Variants in CCL11 observed in about 807,000 individuals in gnomAD.
CCL11 encodes eotaxin.
In CCL11, 7 loss-of-function variants were observed where a neutral mutation model predicts 7.3. The ratio of observed to expected loss-of-function variants is 0.96; its 90% CI spans 0.55 to 1.81. CCL11 has a LOEUF of 1.81. Among genes scored for constraint, CCL11 ranks in the 40% most tolerant of loss-of-function variants. The pLI, the probability that CCL11 is intolerant of heterozygous loss-of-function variation, is 0.00. For synonymous variants in CCL11, 66 were observed against 45.2 expected (o/e 1.46, Z -1.84); for missense variants, 132 against 114.2 (o/e 1.16, Z -0.71).
In CCL11 at chr17:34,288,227, C is replaced by T. The variant is rs971662836; in HGVS notation, c.*537C>T. On this transcript the variant is annotated 3_prime_UTR_variant, in exon 3 of 3. Coordinates refer to ENST00000305869, the MANE Select transcript of CCL11 (RefSeq NM_002986.3). ...AGGGGCTTGGTTAAGGGGGTGGGAA[C>T]TATGTCCCTGGGAAATGAGTTTTTG... 2.6e-5 allele frequency: 4 copies of T among 152,378 alleles called. No individual in the cohort carries two copies. Among genetic ancestry groups the T allele is most frequent in the African/African-American group, 9.7e-5 (4 of 41,424 alleles). 9.4% of individuals were successfully genotyped at this position (152,378 alleles called of 1,614,324 possible).
At chr17:34,286,796 A>T (rs1041893009) in intron 1 of CCL11, among the ~76,000 whole-genome samples, 5 of 152,240 alleles carry the variant, frequency 3.3e-5, no homozygotes, top group African/African-American at 1.2e-4. Flanking sequence ...GAAAATTACC[A>T]TGACCATCAC....
intron 1 of CCL11, among the ~76,000 whole-genome samples, chr17:34,286,519 G>A (rs1395976568): frequency 6.6e-6 from 1 of 152,184 alleles, no homozygotes; most frequent in Non-Finnish European, 1.5e-5. Flanking sequence ...TATAATGTAT[G>A]GGCTCAGGCT....
At chr17:34,286,037 C>T (rs990960244) in intron 1 of CCL11, among the ~76,000 whole-genome samples, 153 bp downstream of exon 1, 1 of 152,208 alleles carries the variant, frequency 6.6e-6, no homozygotes, top group African/African-American at 2.4e-5. Flanking sequence ...AACCTCACAT[C>T]CAGTCACTGG....
chr17:34,286,435 A>G (rs1567648149), intron 1 of CCL11, among the ~76,000 whole-genome samples: 1 of 152,230 alleles, frequency 6.6e-6, no homozygotes. Flanking sequence ...GGTAACAAAC[A>G]GTTCTAAATT....
At position 34,285,798 on chromosome 17, in the gene CCL11, C is replaced by T; in HGVS notation, c.-11C>T. 2 of 1,609,380 alleles carry T rather than the reference C, an allele frequency of 1.2e-6. No individual in the cohort carries two copies. The highest frequency in any genetic ancestry group is 1.7e-4 in the Middle Eastern group (1 of 6,028). On this transcript the variant is annotated 5_prime_UTR_variant, in exon 1 of 3. Coordinates refer to ENST00000305869, the MANE Select transcript of CCL11 (RefSeq NM_002986.3). ...CCTCTCACGCCAAAGCTCACACCTT[C>T]AGCCTCCAACATGAAGGTCTCCGCA...
At position 34,287,077 on chromosome 17, in the gene CCL11, T is replaced by C; in HGVS notation, c.77-19T>C. On this transcript the variant is annotated intron_variant, in intron 1 of 2. Coordinates refer to ENST00000305869, the MANE Select transcript of CCL11 (RefSeq NM_002986.3). ...TGGCTCATTTTTTTCTCTGTTCATT[T>C]TTTTTCCCCAAAATTCAGCTTCTGT... is the stretch of plus-strand genomic sequence containing the variant. 1 of 1,568,932 alleles carries C rather than the reference T, an allele frequency of 6.4e-7. No individual in the cohort carries two copies. The highest frequency in any genetic ancestry group is 1.3e-5 in the African/African-American group (1 of 74,086).
intron 1 of CCL11, among the ~76,000 whole-genome samples, chr17:34,286,119 A>T (rs937226971): frequency 1.3e-5 from 2 of 152,218 alleles, no homozygotes; most frequent in Non-Finnish European, 2.9e-5. Flanking sequence ...ATCCATACCC[A>T]GCTATCCTTA....
intron 1 of CCL11, 117 bp downstream of exon 1, chr17:34,286,001 T>C: frequency 1.4e-6 from 1 of 699,176 alleles, no homozygotes; most frequent in Non-Finnish European, 2.4e-6. Context: ...GGGAAACAGG[T>C]TTTGTGGGTG....
chr17:34,287,136 G>C lies in CCL11; in HGVS notation c.117G>C (p.Arg39Ser), dbSNP rs753778448. 1 of 1,613,884 alleles carries C rather than the reference G, an allele frequency of 6.2e-7. No individual in the cohort carries two copies. Among genetic ancestry groups the C allele is most frequent in the Admixed American group, 1.7e-5 (1 of 60,004 alleles). Residue 39 changes from arginine to serine, a missense_variant, in exon 2 of 3, where the codon AGG becomes AGC. By Grantham distance (110) the Arg-to-Ser change is moderately radical. Transcript: ENST00000305869. ...CCTGCTGCTTTAACCTGGCCAATAGGAAGATACCCCTTCAGCGACTAGAGA... is the reference window on the plus strand; with the variant it reads ...CCTGCTGCTTTAACCTGGCCAATAGCAAGATACCCCTTCAGCGACTAGAGA... ...PTTCCFNLAN[R>S]KIPLQRLESY...
rs1206395871 is a variant in CCL11, at chr17:34,287,825, TTTA to T, written c.*136_*138del. On this transcript the variant is annotated 3_prime_UTR_variant, in exon 3 of 3. Transcript: ENST00000305869. ...TTTATTATATATATATATTTTTTTT[TTTA>T]AAAAAAAAACGTATTGCATTTAATT... 267 of 279,972 alleles carry T rather than the reference TTTA, an allele frequency of 9.5e-4. No homozygotes were observed. Among genetic ancestry groups the T allele is most frequent in the Non-Finnish European group, 1.1e-3 (182 of 159,212 alleles). 17.3% of individuals were successfully genotyped at this position (279,972 alleles called of 1,614,324 possible).
At chr17:34,286,542 A>G (rs1908638326) in intron 1 of CCL11, among the ~76,000 whole-genome samples, 1 of 152,198 alleles carries the variant, frequency 6.6e-6, no homozygotes, top group African/African-American at 2.4e-5. Flanking sequence ...TGCATTTTAT[A>G]CTCAGGATTC....
In CCL11 at chr17:34,287,803, A is replaced by ATT. The variant is rs1462397175; in HGVS notation, c.*114_*115dup. 1.7e-4 allele frequency: 71 copies of ATT among 415,898 alleles called. No homozygotes were observed. Among genetic ancestry groups the ATT allele is most frequent in the African/African-American group, 1.4e-3 (61 of 42,926 alleles). The allele number at this position is 415,898 out of a possible 1,614,324, so 25.8% of individuals were successfully genotyped here. Reference sequence around the variant, plus strand: ...TATCAGTCCAAAGGGCATGGGTTTTATTATATATATATATTTTTTTTTTTA... The same window carrying ATT: ...TATCAGTCCAAAGGGCATGGGTTTTATTTTATATATATATATTTTTTTTTTTA... On this transcript the variant is annotated 3_prime_UTR_variant, in exon 3 of 3. Coordinates refer to ENST00000305869, the MANE Select transcript of CCL11 (RefSeq NM_002986.3).
chr17:34,287,526 G>A (rs1908670620), intron 2 of CCL11, 59 bp from the exon 3 acceptor site: 4 of 1,240,008 alleles, frequency 3.2e-6, no homozygotes, highest in Non-Finnish European at 4.8e-6. Context: ...AATATTTAGG[G>A]TCAAATGGGC....
rs1329259337 is a variant in CCL11, at chr17:34,287,816, A to AT, written c.*137dup. 201 of 298,572 alleles carry AT rather than the reference A, an allele frequency of 6.7e-4. No individual in the cohort carries two copies. The highest frequency in any genetic ancestry group is 1.8e-3 in the Middle Eastern group (2 of 1,130). 18.5% of individuals were successfully genotyped at this position (298,572 alleles called of 1,614,324 possible). ...GGCATGGGTTTTATTATATATATAT[A>AT]TTTTTTTTTTTAAAAAAAAAACGTA... On this transcript the variant is annotated 3_prime_UTR_variant, in exon 3 of 3. Coordinates refer to ENST00000305869, the MANE Select transcript of CCL11 (RefSeq NM_002986.3).
In CCL11 at chr17:34,287,128, G is replaced by A; in HGVS notation, c.109G>A (p.Ala37Thr). ...CCCAACCACCTGCTGCTTTAACCTGGCCAATAGGAAGATACCCCTTCAGCG... is the reference window on the plus strand; with the variant it reads ...CCCAACCACCTGCTGCTTTAACCTGACCAATAGGAAGATACCCCTTCAGCG... The part of the protein sequence containing the change: ...SVPTTCCFNL[A>T]NRKIPLQRLE... The change falls in exon 2 of 3, where the codon GCC (alanine) becomes ACC (threonine). Residue 37 changes from alanine to threonine, a missense_variant. Coordinates refer to ENST00000305869, the MANE Select transcript of CCL11 (RefSeq NM_002986.3). 2 of 1,613,708 alleles carry A rather than the reference G, an allele frequency of 1.2e-6. No homozygotes were observed. The highest frequency in any genetic ancestry group is 1.7e-6 in the Non-Finnish European group (2 of 1,179,850).
intron 1 of CCL11, 103 bp from the exon 2 acceptor site, chr17:34,286,993 T>G (rs977489167): frequency 1.3e-6 from 1 of 778,380 alleles, no homozygotes; most frequent in Non-Finnish European, 2.2e-6. Context: ...TCGCAATTCC[T>G]TGCTTTCTCC....
intron 1 of CCL11, 85 bp downstream of exon 1, chr17:34,285,969 C>A: frequency 4.6e-6 from 4 of 868,284 alleles, no homozygotes; most frequent in East Asian, 2.7e-5. Context: ...AGACTCACTG[C>A]AAATTCTCCA....
At position 34,285,865 on chromosome 17, in the gene CCL11, C is replaced by G; in HGVS notation, c.57C>G (p.Pro19=). The G allele has an allele frequency of 6.2e-7, 1 of 1,612,088 alleles. No homozygotes were observed. Among genetic ancestry groups the G allele is most frequent in the Admixed American group, 1.7e-5 (1 of 59,778 alleles). Residue 19 remains proline (P), a synonymous_variant, in exon 1 of 3, where the codon CCC becomes CCG. Coordinates refer to ENST00000305869, the MANE Select transcript of CCL11 (RefSeq NM_002986.3). The part of the protein sequence containing the change: ...WLLLIAAAFS[P]QGLAGPASVP... Reference sequence around the variant, plus strand: ...TGCTCATAGCAGCTGCCTTCAGCCCCCAGGGGCTCGCTGGGCCAGGTAAGC... The same window carrying G: ...TGCTCATAGCAGCTGCCTTCAGCCCGCAGGGGCTCGCTGGGCCAGGTAAGC...
At chr17:34,287,251 T>C in intron 2 of CCL11, 44 bp downstream of exon 2, 2 of 1,355,956 alleles carry the variant, frequency 1.5e-6, no homozygotes, top group Middle Eastern at 1.8e-4. Context: ...AAAAATAATG[T>C]CTAGGGCACA....
Sources: gnomAD v4.1 joint callset for allele counts (sites outside exome capture counted in the v4.1 genomes callset) on GRCh38, gnomAD v4.1.1 for gene constraint, MANE v1.5 for transcripts, NCBI Gene and HGNC (gene_info 2026-07-23, HGNC 2026-07-21) for gene names.